The following PTPRN2 variants were observed in gnomAD, a reference collection of about 807,000 sequenced individuals.
The protein encoded by PTPRN2 is receptor-type tyrosine-protein phosphatase N2.
A neutral mutation model predicts 118.8 loss-of-function variants in PTPRN2; 74 were observed. That is an observed-to-expected ratio of 0.62 (90% CI 0.52 to 0.76). The LOEUF (loss-of-function observed/expected upper bound fraction) is 0.76. Ranked by LOEUF, PTPRN2 falls within the 30% of genes least tolerant of loss-of-function variation. The pLI is 0.00. For synonymous variants in PTPRN2, 641 were observed against 608.0 expected, an observed-to-expected ratio of 1.05 and a Z score of -0.80; for missense variants, 1,481 against 1,394.4, an observed-to-expected ratio of 1.06 and a Z score of -0.99.
At chr7:158,575,101 C>T (rs1828253332) in intron 1 of PTPRN2, among the ~76,000 whole-genome samples, 1 of 152,184 alleles carries the variant, frequency 6.6e-6, no homozygotes, top group Admixed American at 6.5e-5. Context: ...AACATGCTAA[C>T]AATATACCCA....
intron 6 of PTPRN2, among the ~76,000 whole-genome samples, chr7:158,146,913 T>A (rs138702112): frequency 4.0e-4 from 60 of 151,874 alleles, no homozygotes; most frequent in African/African-American, 5.1e-4. Context: ...GTGAAGAGAC[T>A]GAATGACACC....
At chr7:158,032,658 A>G (rs938856559) in intron 11 of PTPRN2, among the ~76,000 whole-genome samples, 1 of 152,074 alleles carries the variant, frequency 6.6e-6, no homozygotes, top group Non-Finnish European at 1.5e-5. Context: ...AATTCATACA[A>G]CGCTAAATGC....
At chr7:158,196,772 TCCAGG>T (rs1486566222) in intron 4 of PTPRN2, among the ~76,000 whole-genome samples, 3 of 152,074 alleles carry the variant, frequency 2.0e-5, no homozygotes, top group African/African-American at 7.2e-5. Flanking sequence ...TGAGAAGTGC[TCCAGG>T]CCAGAAGACG....
intron 11 of PTPRN2, among the ~76,000 whole-genome samples, chr7:158,059,767 C>T (rs112762816): frequency 6.0e-5 from 7 of 115,772 alleles, no homozygotes; most frequent in South Asian, 6.4e-4. Context: ...CCCACGGTGA[C>T]GCATCACTGC....
chr7:158,190,064 A>G (rs6966759), intron 5 of PTPRN2, among the ~76,000 whole-genome samples: 91,668 of 152,094 alleles, frequency 0.6, 27,821 homozygotes, highest in African/African-American at 0.64. Context: ...TCAGACTCTC[A>G]ACCTAATTTC....
intron 3 of PTPRN2, among the ~76,000 whole-genome samples, chr7:158,248,254 G>A (rs1031560145): frequency 6.6e-6 from 1 of 152,108 alleles, no homozygotes; most frequent in Non-Finnish European, 1.5e-5. Flanking sequence ...GAGGAGAAAA[G>A]CCTTTGCTTT....
intron 3 of PTPRN2, among the ~76,000 whole-genome samples, chr7:158,242,511 TTGTC>T (rs1458665235): frequency 6.6e-6 from 1 of 152,216 alleles, no homozygotes; most frequent in Non-Finnish European, 1.5e-5. Flanking sequence ...CCTGGAGTGT[TTGTC>T]TGGCTTTGGC....
intron 1 of PTPRN2, among the ~76,000 whole-genome samples, chr7:158,567,486 A>C (rs1327294315): frequency 6.6e-6 from 1 of 152,250 alleles, no homozygotes; most frequent in Non-Finnish European, 1.5e-5. Context: ...GCTGAGACTC[A>C]GCAGGCTCTA....
chr7:158,386,305 CG>C (rs1811361532), intron 2 of PTPRN2, among the ~76,000 whole-genome samples: 2 of 127,296 alleles, frequency 1.6e-5, no homozygotes, highest in Non-Finnish European at 3.3e-5. Context: ...TCCCGTGCCC[CG>C]AGTCCCTCCT....
Position 157,861,470 on chromosome 7 carries a change from T to C in PTPRN2, c.1788+37203A>G, listed in dbSNP as rs73515161. Among the ~76,000 whole-genome samples the C allele has an allele frequency of 0.011, 1,617 of 152,312 alleles. 10 individuals carry two copies. The highest frequency in any genetic ancestry group is 0.015 in the South Asian group (73 of 4,828). Reference sequence around the variant, plus strand: ...GGCATCTGCCTCCTGCCCTCGGACATGCTGGCCCGCCCTCCCTGAGTCTTG... The same window carrying C: ...GGCATCTGCCTCCTGCCCTCGGACACGCTGGCCCGCCCTCCCTGAGTCTTG... On this transcript the variant is annotated intron_variant, in intron 12 of 22. Transcript: ENST00000389418. This position sits in a 1 kb window ranked among gnomAD's most constrained non-coding sequence, Gnocchi z 5.8.
chr7:157,784,195 C>A lies in PTPRN2; in HGVS notation c.1789-101258G>T, dbSNP rs9647689. Reference sequence around the variant, plus strand: ...GTTAGGCCAGGGACCAATCTTACCACGTGGCTTCTGGCCCAGAGCAGCTCG... The same window carrying A: ...GTTAGGCCAGGGACCAATCTTACCAAGTGGCTTCTGGCCCAGAGCAGCTCG... On this transcript the variant is annotated intron_variant, in intron 12 of 22. Transcript: ENST00000389418. This position sits in a 1 kb window ranked among gnomAD's most constrained non-coding sequence, Gnocchi z 4.6. 0.11 allele frequency among the ~76,000 whole-genome samples: 16,764 copies of A among 152,110 alleles called. 977 individuals are homozygous for A. Among genetic ancestry groups the A allele is most frequent in the Middle Eastern group, 0.14 (41 of 294 alleles).
Position 157,811,332 on chromosome 7 carries a change from TTATATATA to T in PTPRN2, c.1788+87333_1788+87340del, listed in dbSNP as rs71189737. Among the ~76,000 whole-genome samples the T allele has an allele frequency of 9.2e-3, 1,210 of 131,278 alleles. 18 individuals are homozygous for T. Among genetic ancestry groups the T allele is most frequent in the South Asian group, 0.028 (115 of 4,070 alleles). 86.1% of individuals were successfully genotyped at this position (131,278 alleles called of 152,430 possible). ...TCATGGATTTTTGTAATCTACTCTA[TTATATATA>T]TATATATATATATATATATGCACAC... On this transcript the variant is annotated intron_variant, in intron 12 of 22. Coordinates refer to ENST00000389418, the MANE Select transcript of PTPRN2 (RefSeq NM_002847.5).
At chr7:157,975,864 T>C (rs1802706492) in intron 11 of PTPRN2, among the ~76,000 whole-genome samples, 1 of 152,180 alleles carries the variant, frequency 6.6e-6, no homozygotes, top group Admixed American at 6.5e-5. Context: ...CTGCAGGAGT[T>C]CCCAGGGTGG....
In PTPRN2 at chr7:158,081,269, CGTGTACGTGT is replaced by C; in HGVS notation, c.1723+19_1723+28del. 1 of 1,571,616 alleles carries C rather than the reference CGTGTACGTGT, an allele frequency of 6.4e-7. No individual in the cohort carries two copies. The highest frequency in any genetic ancestry group is 8.7e-7 in the Non-Finnish European group (1 of 1,147,062). On this transcript the variant is annotated intron_variant, in intron 11 of 22. Coordinates refer to ENST00000389418, the MANE Select transcript of PTPRN2 (RefSeq NM_002847.5). ...GTGTGTGTGCACACACGTGTGTGTG[CGTGTACGTGT>C]GTGTGGAAACAGCCTCACCTGTGGC...
In PTPRN2 at chr7:158,518,398, C is replaced by T. The variant is rs145762967; in HGVS notation, c.113-28613G>A. Among the ~76,000 whole-genome samples, 226 of 152,240 alleles carry T rather than the reference C, an allele frequency of 1.5e-3. 1 individual carries two copies. The highest frequency in any genetic ancestry group is 8.1e-3 in the South Asian group (39 of 4,814). ...GGATATGAACACACAGGGACATCAGCGCTTGTCCTTTCTGGACTTAGCAAA... is the reference window on the plus strand; with the variant it reads ...GGATATGAACACACAGGGACATCAGTGCTTGTCCTTTCTGGACTTAGCAAA... On this transcript the variant is annotated intron_variant, in intron 1 of 22. Transcript: ENST00000389418.
intron 2 of PTPRN2, among the ~76,000 whole-genome samples, chr7:158,375,023 C>T (rs777712353): frequency 3.1e-4 from 47 of 152,136 alleles, no homozygotes; most frequent in Admixed American, 5.2e-4. Context: ...TGGCCTGAGG[C>T]GCAGAGGAAA....
intron 5 of PTPRN2, among the ~76,000 whole-genome samples, chr7:158,181,818 A>G (rs1184842674): frequency 6.6e-6 from 1 of 152,078 alleles, no homozygotes; most frequent in Non-Finnish European, 1.5e-5. Flanking sequence ...TCATTTCTTG[A>G]TTAATCTAGC....
At chr7:157,594,260 A>T (rs780403992) in intron 17 of PTPRN2, among the ~76,000 whole-genome samples, 1 of 152,236 alleles carries the variant, frequency 6.6e-6, no homozygotes, top group Non-Finnish European at 1.5e-5. Flanking sequence ...GAAAGCCAGG[A>T]AAGGGAAGTA....
intron 11 of PTPRN2, among the ~76,000 whole-genome samples, chr7:157,976,508 C>T (rs957157275): frequency 2.0e-5 from 3 of 148,758 alleles, no homozygotes; most frequent in African/African-American, 7.3e-5. Flanking sequence ...CAGGTTCTCG[C>T]CCACTCTGCC....
Sources: allele counts gnomAD v4.1 joint callset (sites outside exome capture counted in the v4.1 genomes callset), GRCh38; gene constraint gnomAD v4.1.1; non-coding constraint Gnocchi (gnomAD v3.1); transcripts MANE v1.5; gene names NCBI Gene and HGNC (gene_info 2026-07-23, HGNC 2026-07-21).